The following DLGAP2 variants were observed in gnomAD, a reference collection of about 807,000 sequenced individuals.
DLGAP2 encodes DLG associated protein 2.
DLGAP2 carries 26 observed loss-of-function variants against 100.3 expected under a neutral mutation model. The ratio of observed to expected loss-of-function variants is 0.26; its 90% CI spans 0.19 to 0.36. The LOEUF (loss-of-function observed/expected upper bound fraction) is 0.36, where lower values mean the gene tolerates loss of function less well. Ranked by LOEUF, DLGAP2 falls within the 10% of genes least tolerant of loss-of-function variation. The pLI, the probability that DLGAP2 is intolerant of heterozygous loss-of-function variation, is 1.00. For missense variants in DLGAP2, 1,858 were observed against 1,453.2 expected (o/e 1.28, Z -4.53); for synonymous variants, 886 against 630.1 (o/e 1.41, Z -6.08).
chr8:1,314,006 G>C (rs1325504819), intron 3 of DLGAP2, among the ~76,000 whole-genome samples: 2 of 152,142 alleles, frequency 1.3e-5, no homozygotes, highest in Non-Finnish European at 2.9e-5. Flanking sequence ...GAAACTGTAT[G>C]ATACGAAACA....
At chr8:865,349 A>G (rs2128990608) in intron 1 of DLGAP2, among the ~76,000 whole-genome samples, 1 of 152,328 alleles carries the variant, frequency 6.6e-6, no homozygotes, top group South Asian at 2.1e-4. Flanking sequence ...ATGCTTTTAT[A>G]TTAGCTTCTG....
chr8:1,690,725 AAAAAT>A (rs1185162576), intron 12 of DLGAP2, among the ~76,000 whole-genome samples: 22 of 147,636 alleles, frequency 1.5e-4, no homozygotes, highest in African/African-American at 5.6e-4. Flanking sequence ...AAAAAAAAAA[AAAAAT>A]TAGTATTTGA....
At chr8:835,864 G>A (rs1430691230) in intron 1 of DLGAP2, among the ~76,000 whole-genome samples, 1 of 152,128 alleles carries the variant, frequency 6.6e-6, no homozygotes, top group Non-Finnish European at 1.5e-5. Flanking sequence ...CAGGCTCACC[G>A]TCGCTGTCTC....
At chr8:767,176 G>C (rs1034399819) in intron 1 of DLGAP2, among the ~76,000 whole-genome samples, 2 of 152,060 alleles carry the variant, frequency 1.3e-5, no homozygotes, top group Non-Finnish European at 2.9e-5. Flanking sequence ...CCACGGCTCC[G>C]CTTCTTCCTG....
At chr8:1,631,989 G>A (rs902037723) in intron 7 of DLGAP2, among the ~76,000 whole-genome samples, 1 of 152,134 alleles carries the variant, frequency 6.6e-6, no homozygotes, top group African/African-American at 2.4e-5. Context: ...ATAATCCAGG[G>A]GGTTCAGAAA....
chr8:1,502,066 A>T (rs1346848853), intron 4 of DLGAP2, among the ~76,000 whole-genome samples: 2 of 152,262 alleles, frequency 1.3e-5, no homozygotes, highest in Non-Finnish European at 2.9e-5. Flanking sequence ...TGTTGAATAC[A>T]TCTGACATCA....
intron 2 of DLGAP2, among the ~76,000 whole-genome samples, chr8:958,033 G>A (rs183967919): frequency 3.4e-4 from 51 of 152,184 alleles, no homozygotes; most frequent in African/African-American, 8.2e-4. Flanking sequence ...TTAAACAGCA[G>A]CCCTCGCTAA....
intron 1 of DLGAP2, among the ~76,000 whole-genome samples, chr8:855,558 A>C (rs976558501): frequency 2.6e-5 from 4 of 152,154 alleles, no homozygotes; most frequent in African/African-American, 7.2e-5. Context: ...AGGAGGAGTG[A>C]GAGGGGGATA....
At position 931,167 on chromosome 8, in the gene DLGAP2, G is replaced by A. The variant is rs149467203; in HGVS notation, c.73+23201G>A. On this transcript the variant is annotated intron_variant, in intron 2 of 14. Coordinates refer to ENST00000637795, the MANE Select transcript of DLGAP2 (RefSeq NM_001346810.2). ...CTGAAGTCCAGGCACTGAGGCCACT[G>A]CCCTACTGAATCTTGCTCCTGGATC... Among the ~76,000 whole-genome samples the A allele has an allele frequency of 2.4e-4, 36 of 152,292 alleles. 1 individual carries two copies. Among genetic ancestry groups the A allele is most frequent in the African/African-American group, 7.9e-4 (33 of 41,568 alleles).
At chr8:767,405 C>T (rs1821243455) in intron 1 of DLGAP2, among the ~76,000 whole-genome samples, 1 of 141,626 alleles carries the variant, frequency 7.1e-6, no homozygotes, top group African/African-American at 2.6e-5. Flanking sequence ...TTCTGGAGTG[C>T]AATGGTGCCA....
chr8:893,469 A>C (rs995082961), intron 1 of DLGAP2, among the ~76,000 whole-genome samples: 3 of 152,178 alleles, frequency 2.0e-5, no homozygotes, highest in African/African-American at 7.2e-5. Flanking sequence ...AGATGGAGCA[A>C]ATATGCACCC....
At chr8:1,323,349 G>C (rs1302898952) in intron 3 of DLGAP2, among the ~76,000 whole-genome samples, 1 of 152,116 alleles carries the variant, frequency 6.6e-6, no homozygotes, top group African/African-American at 2.4e-5. Context: ...CAAGTTTTAA[G>C]GCTTTTTAAA....
chr8:1,283,360 TC>T (rs1462796887), intron 3 of DLGAP2, among the ~76,000 whole-genome samples: 1 of 152,230 alleles, frequency 6.6e-6, no homozygotes, highest in Non-Finnish European at 1.5e-5. Context: ...TCCCTCTTCG[TC>T]CCCTCAATGG....
At position 1,368,711 on chromosome 8, in the gene DLGAP2, T is replaced by G. The variant is rs547132355; in HGVS notation, c.106+109828T>G. 64 of 152,346 alleles carry G rather than the reference T, an allele frequency of 4.2e-4. 1 individual carries two copies. The highest frequency in any genetic ancestry group is 1.5e-3 in the African/African-American group (63 of 41,570). 9.4% of individuals were successfully genotyped at this position (152,346 alleles called of 1,614,324 possible). A position where few individuals can be genotyped will look rare whatever the true frequency, so the allele number is the denominator to read the frequency against. Reference sequence around the variant, plus strand: ...TAAAGCATGTGGTATGCTACAGCGTTACCTCATTAGCTGGTGATCTAATAA... The same window carrying G: ...TAAAGCATGTGGTATGCTACAGCGTGACCTCATTAGCTGGTGATCTAATAA... On this transcript the variant is annotated intron_variant, in intron 3 of 14. Coordinates refer to ENST00000637795, the MANE Select transcript of DLGAP2 (RefSeq NM_001346810.2).
At chr8:1,258,828 C>T (rs995365520) in intron 2 of DLGAP2, 23 bp from the exon 3 acceptor site, 2 of 1,231,666 alleles carry the variant, frequency 1.6e-6, no homozygotes, top group Non-Finnish European at 2.0e-6. Context: ...GGTGTAACAG[C>T]TTCTCTCTGT....
intron 3 of DLGAP2, among the ~76,000 whole-genome samples, chr8:1,456,019 C>T (rs1798300813): frequency 6.6e-6 from 1 of 152,190 alleles, no homozygotes; most frequent in African/African-American, 2.4e-5. Flanking sequence ...GCACACCAGC[C>T]CGATGGCCGC....
intron 3 of DLGAP2, among the ~76,000 whole-genome samples, chr8:1,339,251 T>C (rs1045331030): frequency 6.7e-6 from 1 of 150,250 alleles, no homozygotes; most frequent in Non-Finnish European, 1.5e-5. Context: ...TGCAGTGACC[T>C]CAGCGAGGCG....
chr8:842,087 C>G (rs924250916), intron 1 of DLGAP2, among the ~76,000 whole-genome samples: 4 of 152,196 alleles, frequency 2.6e-5, no homozygotes, highest in African/African-American at 9.7e-5. Context: ...ATTGTCAGAG[C>G]AGATCCATTA....
intron 2 of DLGAP2, among the ~76,000 whole-genome samples, chr8:1,049,667 C>A (rs1312160257): frequency 6.6e-6 from 1 of 152,016 alleles, no homozygotes; most frequent in Non-Finnish European, 1.5e-5. Flanking sequence ...GCAGAGACAT[C>A]CTTCCATGAA....
Sources: allele counts gnomAD v4.1 joint callset (sites outside exome capture counted in the v4.1 genomes callset), GRCh38; gene constraint gnomAD v4.1.1; transcripts MANE v1.5; gene names NCBI Gene and HGNC (gene_info 2026-07-23, HGNC 2026-07-21).